LPP: variants seen among roughly 807,000 people sequenced by gnomAD.
The protein encoded by LPP is lipoma-preferred partner.
Under a neutral mutation model 60.4 loss-of-function variants are expected in LPP, and 38 were observed. The observed-to-expected ratio is 0.63, with a 90% CI of 0.49 to 0.83. The LOEUF is 0.83. Among genes scored for constraint, LPP ranks in the 40% least tolerant of loss-of-function variants. The pLI is 0.00. For synonymous variants in LPP, 328 were observed against 290.8 expected, an observed-to-expected ratio of 1.13 and a Z score of -1.30; for missense variants, 902 against 783.6, an observed-to-expected ratio of 1.15 and a Z score of -1.80.
At chr3:188,288,261 G>A (rs377758923) in intron 2 of LPP, among the ~76,000 whole-genome samples, 2 of 152,256 alleles carry the variant, frequency 1.3e-5, no homozygotes, top group South Asian at 2.1e-4. Context: ...ACTTGTGAGC[G>A]ACATTGGCTC....
At chr3:188,865,050 C>T (rs181279147) in intron 9 of LPP, among the ~76,000 whole-genome samples, 17 of 152,358 alleles carry the variant, frequency 1.1e-4, no homozygotes, top group Admixed American at 1.1e-3. Context: ...TGAATTTCCA[C>T]ATCCCATTCA....
rs1441047971 is a variant in LPP, at chr3:188,875,084, C to T, written c.*605C>T. 1 of 219,294 alleles carries T rather than the reference C, an allele frequency of 4.6e-6. No individual in the cohort carries two copies. Among genetic ancestry groups the T allele is most frequent in the East Asian group, 6.8e-5 (1 of 14,802 alleles). The allele number at this position is 219,294 out of a possible 1,614,324, so 13.6% of individuals were successfully genotyped here. A position where few individuals can be genotyped will look rare whatever the true frequency, so the allele number is the denominator to read the frequency against. ...AACAAGCCCAAATTTAATTTGCAAC[C>T]ATCAGAATTCAGAATCTATAGTGAC... On this transcript the variant is annotated 3_prime_UTR_variant, in exon 12 of 12. Coordinates refer to ENST00000617246, the MANE Select transcript of LPP (RefSeq NM_001375462.1).
At chr3:188,786,888 G>T (rs1249240999) in intron 9 of LPP, among the ~76,000 whole-genome samples, 1 of 152,150 alleles carries the variant, frequency 6.6e-6, no homozygotes, top group Non-Finnish European at 1.5e-5. Flanking sequence ...CTATATAAAT[G>T]GAGAACAGAT....
intron 2 of LPP, chr3:188,240,070 C>T (rs919905983): frequency 1.0e-5 from 2 of 197,578 alleles, no homozygotes; most frequent in Non-Finnish European, 2.1e-5. Flanking sequence ...TCTGGTATTG[C>T]TGTCCTGTAG....
At chr3:188,330,873 A>G (rs1759847040) in intron 2 of LPP, among the ~76,000 whole-genome samples, 1 of 151,110 alleles carries the variant, frequency 6.6e-6, no homozygotes, top group Admixed American at 6.7e-5. Context: ...ATAAATAAAT[A>G]AATAAATAAA....
At chr3:188,771,752 C>T (rs7623540) in intron 9 of LPP, among the ~76,000 whole-genome samples, 128 of 151,972 alleles carry the variant, frequency 8.4e-4, no homozygotes, top group African/African-American at 3.0e-3. Context: ...AGACACATAA[C>T]AAATCTGCAA....
intron 2 of LPP, among the ~76,000 whole-genome samples, chr3:188,268,025 T>A (rs1736229127): frequency 6.7e-6 from 1 of 149,012 alleles, no homozygotes; most frequent in African/African-American, 2.5e-5. Context: ...GGATTTTTTT[T>A]TTTTTTTTTT....
intron 5 of LPP, among the ~76,000 whole-genome samples, chr3:188,512,525 C>T (rs1292431492): frequency 1.3e-5 from 2 of 151,050 alleles, no homozygotes; most frequent in Non-Finnish European, 2.9e-5. Context: ...TGCCATTGCG[C>T]TCTAGTCTGG....
intron 8 of LPP, among the ~76,000 whole-genome samples, chr3:188,757,889 G>GTTTTTTGTTTTTTTGT (rs1553833771): frequency 1.3e-5 from 1 of 78,732 alleles, no homozygotes; most frequent in South Asian, 5.6e-4. Context: ...TGTTTTTTTG[G>GTTTTTTGTTTTTTTGT]TTTTTTTTTT....
chr3:188,419,950 T>G (rs1219145276), intron 4 of LPP, among the ~76,000 whole-genome samples: 4 of 152,096 alleles, frequency 2.6e-5, no homozygotes, highest in Non-Finnish European at 5.9e-5. Flanking sequence ...ATTTGTATCT[T>G]AAAGAGTTGT....
At chr3:188,360,522 CT>C (rs1160217644) in intron 3 of LPP, among the ~76,000 whole-genome samples, 1 of 151,418 alleles carries the variant, frequency 6.6e-6, no homozygotes, top group South Asian at 2.1e-4. Flanking sequence ...AATTACATAA[CT>C]TTTTTTTTCT....
chr3:188,510,252 CAAAGTA>C (rs1215214464), intron 5 of LPP, among the ~76,000 whole-genome samples: 1 of 152,150 alleles, frequency 6.6e-6, no homozygotes, highest in African/African-American at 2.4e-5. Flanking sequence ...CTCCACCTAG[CAAAGTA>C]AAAGTCTTGT....
intron 9 of LPP, among the ~76,000 whole-genome samples, chr3:188,819,464 C>G (rs1362556157): frequency 6.6e-6 from 1 of 151,962 alleles, no homozygotes; most frequent in African/African-American, 2.4e-5. Context: ...GCCCCATACC[C>G]TGGGCATTGA....
At chr3:188,319,966 G>A (rs1756456441) in intron 2 of LPP, among the ~76,000 whole-genome samples, 1 of 152,076 alleles carries the variant, frequency 6.6e-6, no homozygotes, top group South Asian at 2.1e-4. Context: ...CACTTTTTTA[G>A]TGTAACGGTC....
chr3:188,725,673 G>T (rs1718114603), intron 8 of LPP, among the ~76,000 whole-genome samples: 2 of 152,186 alleles, frequency 1.3e-5, no homozygotes, highest in African/African-American at 4.8e-5. Context: ...TGATATGCCA[G>T]ACAATTGTTC....
chr3:188,211,420 G>C (rs953062680), intron 1 of LPP, among the ~76,000 whole-genome samples: 2 of 152,076 alleles, frequency 1.3e-5, no homozygotes, highest in African/African-American at 4.8e-5. Flanking sequence ...ACAGTAGAAC[G>C]AGATCACTAA....
chr3:188,592,557 G>GTTTGTTTGTTTTTTTT (rs1260656926), intron 6 of LPP, among the ~76,000 whole-genome samples: 2 of 85,794 alleles, frequency 2.3e-5, no homozygotes, highest in African/African-American at 4.5e-5. Context: ...TTTTGTTTTT[G>GTTTGTTTGTTTTTTTT]TTTTTTAAAT....
At chr3:188,669,193 C>A (rs1031260487) in intron 7 of LPP, among the ~76,000 whole-genome samples, 6 of 151,980 alleles carry the variant, frequency 3.9e-5, no homozygotes, top group Admixed American at 1.3e-4. Context: ...CATGTTCACC[C>A]TGAGATTGGT....
At chr3:188,674,298 C>G (rs963516884) in intron 7 of LPP, among the ~76,000 whole-genome samples, 2 of 152,192 alleles carry the variant, frequency 1.3e-5, no homozygotes, top group Non-Finnish European at 2.9e-5. Flanking sequence ...CTCTTCAACT[C>G]TATGTTTCCC....
Sources: gnomAD v4.1 joint callset for allele counts (sites outside exome capture counted in the v4.1 genomes callset) on GRCh38, gnomAD v4.1.1 for gene constraint, MANE v1.5 for transcripts, NCBI Gene and HGNC (gene_info 2026-07-23, HGNC 2026-07-21) for gene names.